Variants in LMNA observed in about 807,000 individuals in gnomAD.
LMNA encodes the protein lamin.
A neutral mutation model predicts 70.4 loss-of-function variants in LMNA; 20 were observed. The ratio of observed to expected loss-of-function variants is 0.28; its 90% CI spans 0.20 to 0.41. The LOEUF (loss-of-function observed/expected upper bound fraction) is 0.41. Among genes scored for constraint, LMNA ranks in the 10% least tolerant of loss-of-function variants. The pLI, the probability that LMNA is intolerant of heterozygous loss-of-function variation, is 1.00. For missense variants in LMNA, 652 were observed against 917.2 expected (o/e 0.71, Z 3.73); for synonymous variants, 339 against 372.8 (o/e 0.91, Z 1.04).
In LMNA at chr1:156,097,435, G is replaced by C. The variant is rs996288681; in HGVS notation, c.-207+6853G>C. Among the ~76,000 whole-genome samples the C allele has an allele frequency of 3.3e-5, 5 of 152,374 alleles. No homozygotes were observed. In the East Asian group the frequency reaches 7.7e-4, roughly 23 times the overall value. On this transcript the variant is annotated intron_variant, in intron 3 of 12. Transcript: ENST00000368301. ...GATGGCAGAACTGAGCCCCAATAAG[G>C]GGCAGGCGCTTTGCTCCACGCCGTA...
chr1:156,097,716 C>T (rs568098044), intron 3 of LMNA, among the ~76,000 whole-genome samples: 2 of 152,312 alleles, frequency 1.3e-5, no homozygotes, highest in African/African-American at 4.8e-5. Flanking sequence ...GACCCCAAGG[C>T]CCCTAGCCTC....
rs398124550 is a variant in LMNA at position 156,138,662 on chromosome 1, A to G, written c.1873A>G (p.Ser625Gly). 1.2e-6 allele frequency: 2 copies of G among 1,613,618 alleles called. No individual in the cohort carries two copies. The highest frequency in any genetic ancestry group is 1.7e-6 in the Non-Finnish European group (2 of 1,179,968). ...SSASSVTVTRSYRSVGGSGGG... is the reference protein window; with the variant it reads ...SSASSVTVTRGYRSVGGSGGG... Reference sequence around the variant, plus strand: ...TGCCTCCAGTGTCACGGTCACTCGCAGCTACCGCAGTGTGGGGGGCAGTGG... The same window carrying G: ...TGCCTCCAGTGTCACGGTCACTCGCGGCTACCGCAGTGTGGGGGGCAGTGG... The change falls in exon 11 of 12, where the codon AGC (serine) becomes GGC (glycine). Residue 625 changes from serine to glycine, a missense_variant. Physicochemically the swap from Ser to Gly is moderately conservative, Grantham distance 56 (BLOSUM62 0). Coordinates refer to ENST00000368300, the MANE Select transcript of LMNA (RefSeq NM_170707.4). The surrounding 1 kb of genome is among the most constrained non-coding windows in gnomAD (Gnocchi z 5.5).
intron 1 of LMNA, among the ~76,000 whole-genome samples, chr1:156,125,064 G>C (rs1275041921): frequency 6.6e-6 from 1 of 152,216 alleles, no homozygotes; most frequent in Non-Finnish European, 1.5e-5. Context: ...CCCTGTAAAA[G>C]TATAGGAGTT....
chr1:156,135,839 G>T lies in LMNA; in HGVS notation c.937-62G>T. 6.9e-7 allele frequency: 1 copy of T among 1,445,518 alleles called. No individual in the cohort carries two copies. The highest frequency in any genetic ancestry group is 1.2e-5 in the South Asian group (1 of 85,752). 89.5% of individuals were successfully genotyped at this position (1,445,518 alleles called of 1,614,324 possible). On this transcript the variant is annotated intron_variant, in intron 5 of 11. Transcript: ENST00000368300. The surrounding 1 kb of genome is among the most constrained non-coding windows in gnomAD (Gnocchi z 4.8). ...CCAGGTGTCTCCTACACCGACCCAC[G>T]TCCCTCCTTCCCCATACTTAGGGCC...
intron 2 of LMNA, among the ~76,000 whole-genome samples, chr1:156,084,328 C>A (rs74965833): frequency 1.1e-5 from 1 of 90,978 alleles, no homozygotes; most frequent in African/African-American, 3.8e-5. Context: ...CTCAGAAGGT[C>A]GGGGGGTGGT....
chr1:156,122,690 G>A (rs529888220), intron 1 of LMNA, among the ~76,000 whole-genome samples: 16 of 152,312 alleles, frequency 1.1e-4, no homozygotes, highest in East Asian at 7.7e-4. Flanking sequence ...CCATTGACCC[G>A]GGTTGGGGGC....
chr1:156,135,216 G>A lies in LMNA; in HGVS notation c.840G>A (p.Arg280=). 6.2e-7 allele frequency: 1 copy of A among 1,613,942 alleles called. No individual in the cohort carries two copies. The highest frequency in any genetic ancestry group is 1.1e-5 in the South Asian group (1 of 91,076). Residue 280 remains arginine (R), a synonymous_variant, in exon 5 of 12, where the codon AGG becomes AGA. Transcript: ENST00000368300. The surrounding 1 kb of genome is among the most constrained non-coding windows in gnomAD (Gnocchi z 4.8). ...ACAATGCCAGGCAGTCTGCTGAGAG[G>A]AACAGCAACCTGGTGGGGGCTGCCC... ...KLDNARQSAE[R]NSNLVGAAHE...
At chr1:156,114,603 C>T (rs1266658527), upstream of LMNA, 1 of 296,164 alleles carries the variant, frequency 3.4e-6, no homozygotes, top group Non-Finnish European at 6.2e-6. Flanking sequence ...CTCCTCACCA[C>T]TCCCGCCCCC....
At chr1:156,088,131 A>G (rs991097576) in intron 2 of LMNA, among the ~76,000 whole-genome samples, 4 of 151,912 alleles carry the variant, frequency 2.6e-5, no homozygotes, top group Non-Finnish European at 5.9e-5. Flanking sequence ...CGGCCTCCCA[A>G]AGTGCTGGGA....
intron 1 of LMNA, chr1:156,126,087 C>T: frequency 1.0e-6 from 1 of 1,003,416 alleles, no homozygotes; most frequent in Non-Finnish European, 1.4e-6. Flanking sequence ...CATTTGCCAC[C>T]AGGCGGACTC....
Position 156,138,646 on chromosome 1 carries a change from T to C in LMNA, c.1857T>C (p.Ser619=), listed in dbSNP as rs368581237. 67 of 1,613,444 alleles carry C rather than the reference T, an allele frequency of 4.2e-5. No individual in the cohort carries two copies. The highest frequency in any genetic ancestry group is 5.4e-5 in the Non-Finnish European group (64 of 1,179,962). Residue 619 remains serine (S), a synonymous_variant, in exon 11 of 12, where the codon AGT becomes AGC. Coordinates refer to ENST00000368300, the MANE Select transcript of LMNA (RefSeq NM_170707.4). This position sits in a 1 kb window ranked among gnomAD's most constrained non-coding sequence, Gnocchi z 5.5. ...TCTCCTCTGGCTCTTCTGCCTCCAG[T>C]GTCACGGTCACTCGCAGCTACCGCA... ...GPISSGSSAS[S]VTVTRSYRSV... is the part of the protein sequence containing the mutation.
intron 1 of LMNA, among the ~76,000 whole-genome samples, chr1:156,118,667 G>A (rs1007069234): frequency 1.3e-5 from 2 of 152,136 alleles, no homozygotes; most frequent in Non-Finnish European, 2.9e-5. Flanking sequence ...TGCTCAGAGT[G>A]AGGTAGAGAA....
intron 3 of LMNA, chr1:156,106,640 CCCA>C (rs2102805208): frequency 1.8e-5 from 1 of 54,940 alleles, no homozygotes; most frequent in African/African-American, 1.2e-4. Context: ...TCCCCACCCC[CCCA>C]CGCCTCTGTC....
rs1553261972 is a variant in LMNA, at chr1:156,115,154, C to A, written c.236C>A (p.Ala79Asp). The A allele has an allele frequency of 6.2e-7, 1 of 1,611,562 alleles. No individual in the cohort carries two copies. Among genetic ancestry groups the A allele is most frequent in the Non-Finnish European group, 8.5e-7 (1 of 1,179,024 alleles). The change falls in exon 1 of 12, where the codon GCC (alanine) becomes GAC (aspartate). Residue 79 changes from alanine (A) to aspartate (D), a missense_variant. By Grantham distance (126) the Ala-to-Asp change is moderately radical. Around this residue, in one of 4 missense-constraint regions of LMNA, gnomAD observed 254 missense variants for 421.9 expected, o/e 0.60. Coordinates refer to ENST00000368300, the MANE Select transcript of LMNA (RefSeq NM_170707.4). The surrounding 1 kb of genome is among the most constrained non-coding windows in gnomAD (Gnocchi z 5.8). ...AGCCGCGAGGTGTCCGGCATCAAGG[C>A]CGCCTACGAGGCCGAGCTCGGGGAT... ...VVSREVSGIK[A>D]AYEAELGDAR... is the part of the protein sequence containing the mutation.
At chr1:156,102,405 G>C (rs1019592202) in intron 3 of LMNA, among the ~76,000 whole-genome samples, 1 of 152,196 alleles carries the variant, frequency 6.6e-6, no homozygotes, top group Non-Finnish European at 1.5e-5. Context: ...GGGCACCCAG[G>C]TTTCAGTCCT....
chr1:156,137,175 G>A lies in LMNA; in HGVS notation c.1551G>A (p.Gln517=), dbSNP rs41314035. The A allele has an allele frequency of 6.1e-4, 990 of 1,610,982 alleles. 1 individual carries two copies. Among genetic ancestry groups the A allele is most frequent in the Non-Finnish European group, 7.7e-4 (903 of 1,178,840 alleles). Residue 517 remains glutamine, a synonymous_variant, in exon 9 of 12, where the codon CAG becomes CAA. Coordinates refer to ENST00000368300, the MANE Select transcript of LMNA (RefSeq NM_170707.4). This position sits in a 1 kb window ranked among gnomAD's most constrained non-coding sequence, Gnocchi z 4.6. The stretch of plus-strand genomic sequence containing the variant: ...CTACCGACCTGGTGTGGAAGGCACA[G>A]AACACCTGGGGCTGCGGGAACAGCC... The part of the protein sequence containing the change: ...SPPTDLVWKA[Q]NTWGCGNSLR...
At chr1:156,095,156 T>C (rs1171995483) in intron 3 of LMNA, among the ~76,000 whole-genome samples, 2 of 152,108 alleles carry the variant, frequency 1.3e-5, no homozygotes, top group East Asian at 3.9e-4. Context: ...CTTGAACTCC[T>C]GACCTCAGGT....
At chr1:156,102,507 G>A (rs916533827) in intron 3 of LMNA, among the ~76,000 whole-genome samples, 2 of 152,176 alleles carry the variant, frequency 1.3e-5, no homozygotes, top group East Asian at 3.9e-4. Flanking sequence ...TTTAGGTGGT[G>A]TGAATGAACC....
At chr1:156,112,309 C>T (rs892599020), upstream of LMNA, among the ~76,000 whole-genome samples, 1 of 152,122 alleles carries the variant, frequency 6.6e-6, no homozygotes, top group African/African-American at 2.4e-5. Context: ...TCACTTGAAC[C>T]CAGGAATTCA....
Sources: allele counts gnomAD v4.1 joint callset (sites outside exome capture counted in the v4.1 genomes callset), GRCh38; gene constraint gnomAD v4.1.1; regional missense constraint gnomAD v4.1.1; non-coding constraint Gnocchi (gnomAD v3.1); transcripts MANE v1.5; gene names NCBI Gene and HGNC (gene_info 2026-07-23, HGNC 2026-07-21).